DEFB116: variants seen among roughly 807,000 people sequenced by gnomAD.
DEFB116 encodes the protein beta-defensin 116.
A neutral mutation model predicts 2.8 loss-of-function variants in DEFB116; 5 were observed. The ratio of observed to expected loss-of-function variants is 1.80; its 90% confidence interval spans 0.94 to 3.79. The LOEUF (loss-of-function observed/expected upper bound fraction) is 3.79, where lower values mean the gene tolerates loss of function less well. Ranked by LOEUF, DEFB116 falls within the 30% of genes most tolerant of loss-of-function variation. The probability of loss-of-function intolerance (pLI) is 0.00; values close to 1 mark genes in which losing one functional copy is unlikely to be tolerated. For missense variants in DEFB116, 170 were observed against 118.0 expected, an observed-to-expected ratio of 1.44 and a Z score of -2.04; for synonymous variants, 56 against 40.8, an observed-to-expected ratio of 1.37 and a Z score of -1.42.
intron 1 of DEFB116, among the ~76,000 whole-genome samples, chr20:31,304,513 C>T (rs1600468604): frequency 6.6e-6 from 1 of 152,176 alleles, no homozygotes; most frequent in East Asian, 1.9e-4. Flanking sequence ...GTTTTGTCTG[C>T]ATTCTCATAG....
intron 1 of DEFB116, among the ~76,000 whole-genome samples, chr20:31,304,123 CAT>C (rs1205034843): frequency 2.0e-5 from 3 of 152,096 alleles, no homozygotes; most frequent in African/African-American, 7.2e-5. Context: ...AAATTGAGCA[CAT>C]GTGCTCACTG....
At chr20:31,306,233 A>G (rs1441590336) in intron 1 of DEFB116, among the ~76,000 whole-genome samples, 2 of 152,144 alleles carry the variant, frequency 1.3e-5, no homozygotes, top group Non-Finnish European at 2.9e-5. Flanking sequence ...CATTCATTCA[A>G]TAAGTATTTG....
In DEFB116 at chr20:31,303,404, T is replaced by A. The variant is rs746390814; in HGVS notation, c.117A>T (p.Pro39=). ...HNGKSREPWN[P]CELYQGMCRN... ...TGCACATGCCTTGGTAAAGCTCACA[T>A]GGATTCCAAGGCTCTCGGCTCTTGC... Residue 39 remains proline (P), a synonymous_variant, in exon 2 of 2, where the codon CCA becomes CCT. Coordinates refer to ENST00000400549, the MANE Select transcript of DEFB116 (RefSeq NM_001037731.1). 80 of 1,613,424 alleles carry A rather than the reference T, an allele frequency of 5.0e-5. No homozygotes were observed. The highest frequency in any genetic ancestry group is 6.6e-5 in the Non-Finnish European group (78 of 1,179,600).
chr20:31,305,278 G>T (rs1984969146), intron 1 of DEFB116, among the ~76,000 whole-genome samples: 1 of 151,990 alleles, frequency 6.6e-6, no homozygotes, highest in Non-Finnish European at 1.5e-5. Flanking sequence ...TATCCATACT[G>T]TTCTGGCTAA....
chr20:31,305,121 C>G (rs563219386), intron 1 of DEFB116, among the ~76,000 whole-genome samples: 2 of 152,222 alleles, frequency 1.3e-5, no homozygotes, highest in South Asian at 2.1e-4. Context: ...GAAAATGATA[C>G]TGATTCATCC....
intron 1 of DEFB116, 116 bp from the exon 2 acceptor site, chr20:31,303,569 C>A: frequency 7.1e-7 from 1 of 1,413,428 alleles, no homozygotes; most frequent in Non-Finnish European, 9.5e-7. Flanking sequence ...GGAATCAAAA[C>A]TACCTAGATT....
At chr20:31,305,079 C>A (rs1984963872) in intron 1 of DEFB116, among the ~76,000 whole-genome samples, 1 of 151,952 alleles carries the variant, frequency 6.6e-6, no homozygotes, top group Non-Finnish European at 1.5e-5. Context: ...CCAACATCAA[C>A]CAGCCTGCTG....
intron 1 of DEFB116, among the ~76,000 whole-genome samples, chr20:31,305,068 TC>T (rs1361677279): frequency 2.8e-4 from 43 of 151,938 alleles, no homozygotes; most frequent in African/African-American, 1.0e-3. Context: ...TTTCAACTGC[TC>T]CAACATCAAC....
chr20:31,308,552 C>A lies in DEFB116; in HGVS notation c.34G>T (p.Ala12Ser), dbSNP rs1489916399. The A allele has an allele frequency of 1.2e-6, 2 of 1,613,532 alleles. No individual in the cohort carries two copies. The highest frequency in any genetic ancestry group is 1.7e-6 in the Non-Finnish European group (2 of 1,179,580). The change falls in exon 1 of 2, where the codon GCC (alanine) becomes TCC (serine). Residue 12 changes from alanine to serine, a missense_variant. Physicochemically the swap from Ala to Ser is moderately conservative, Grantham distance 99. Coordinates refer to ENST00000400549, the MANE Select transcript of DEFB116 (RefSeq NM_001037731.1). ...TTTTGAGCCAGGATCATAAGGATGG[C>A]AATGGTCATTAAACAGGGCTTCATG... Reference protein sequence around the residue: ...SVMKPCLMTIAILMILAQKTP... With the variant: ...SVMKPCLMTISILMILAQKTP...
At chr20:31,305,546 A>G (rs1984974066) in intron 1 of DEFB116, among the ~76,000 whole-genome samples, 1 of 152,094 alleles carries the variant, frequency 6.6e-6, no homozygotes, top group Non-Finnish European at 1.5e-5. Context: ...AGCTTTTCTA[A>G]CCTTAGATTG....
At chr20:31,306,171 C>G (rs1984987338) in intron 1 of DEFB116, among the ~76,000 whole-genome samples, 1 of 152,122 alleles carries the variant, frequency 6.6e-6, no homozygotes, top group Admixed American at 6.6e-5. Flanking sequence ...CATCCAATCT[C>G]TAAGGTTATT....
At chr20:31,307,480 A>T (rs1029162274) in intron 1 of DEFB116, among the ~76,000 whole-genome samples, 11 of 152,150 alleles carry the variant, frequency 7.2e-5, no homozygotes, top group Non-Finnish European at 1.3e-4. Flanking sequence ...GAAAACATAG[A>T]GAAAAAGCTT....
At chr20:31,308,082 A>T (rs1163415491) in intron 1 of DEFB116, among the ~76,000 whole-genome samples, 2 of 151,862 alleles carry the variant, frequency 1.3e-5, no homozygotes, top group East Asian at 3.9e-4. Flanking sequence ...TATAAATACA[A>T]TTATTCACCC....
chr20:31,307,970 C>G (rs533863625), intron 1 of DEFB116, among the ~76,000 whole-genome samples: 1 of 152,084 alleles, frequency 6.6e-6, no homozygotes, highest in Admixed American at 6.6e-5. Context: ...ACAAACCTCT[C>G]TATACCCCAA....
At chr20:31,304,873 T>C (rs917532799) in intron 1 of DEFB116, among the ~76,000 whole-genome samples, 4 of 152,118 alleles carry the variant, frequency 2.6e-5, no homozygotes, top group African/African-American at 9.7e-5. Flanking sequence ...TATAATGTTA[T>C]TTCTTGCATG....
intron 1 of DEFB116, among the ~76,000 whole-genome samples, chr20:31,306,703 A>G (rs557950245): frequency 9.5e-4 from 144 of 152,234 alleles, no homozygotes; most frequent in African/African-American, 3.4e-3. Flanking sequence ...AAAAACAGAG[A>G]AGAAAGAGGA....
rs1161720259 is a variant in DEFB116, at chr20:31,303,374, G to A, written c.147C>T (p.Asn49=). Residue 49 remains asparagine (N), a synonymous_variant, in exon 2 of 2, where the codon AAC becomes AAT. Transcript: ENST00000400549. ...ATTGGATTTCATATTCTCTGCAGGC[G>A]TTTCTGCACATGCCTTGGTAAAGCT... ...PCELYQGMCR[N]ACREYEIQYL... The A allele has an allele frequency of 2.3e-5, 37 of 1,613,472 alleles. No homozygotes were observed. Among genetic ancestry groups the A allele is most frequent in the East Asian group, 4.5e-5 (2 of 44,886 alleles).
chr20:31,303,515 G>C, intron 1 of DEFB116, 62 bp from the exon 2 acceptor site: 4 of 1,587,742 alleles, frequency 2.5e-6, no homozygotes, highest in Non-Finnish European at 3.4e-6. Flanking sequence ...GATGAAGCAT[G>C]ATTTAAAGGA....
intron 1 of DEFB116, among the ~76,000 whole-genome samples, chr20:31,304,605 C>T (rs1395463407): frequency 6.6e-6 from 1 of 152,050 alleles, no homozygotes; most frequent in Non-Finnish European, 1.5e-5. Context: ...GTCACATTGC[C>T]TCTCTGTGAT....
Sources: gnomAD v4.1 joint callset for allele counts (sites outside exome capture counted in the v4.1 genomes callset) on GRCh38, gnomAD v4.1.1 for gene constraint, MANE v1.5 for transcripts, NCBI Gene and HGNC (gene_info 2026-07-23, HGNC 2026-07-21) for gene names.